STPG2: variants seen among roughly 807,000 people sequenced by gnomAD.
STPG2 encodes the protein sperm tail PG-rich repeat containing 2, also known as sperm-tail PG-rich repeat-containing protein 2.
A neutral mutation model predicts 54.2 loss-of-function variants in STPG2; 56 were observed. The observed-to-expected ratio is 1.03, with a 90% CI of 0.83 to 1.29. The LOEUF is 1.29. Ranked by LOEUF, STPG2 falls within the 50% of genes most tolerant of loss-of-function variation. The pLI, the probability that STPG2 is intolerant of heterozygous loss-of-function variation, is 0.00. For synonymous variants in STPG2, 200 were observed against 181.8 expected, an observed-to-expected ratio of 1.10 and a Z score of -0.81; for missense variants, 596 against 544.9, an observed-to-expected ratio of 1.09 and a Z score of -0.93.
chr4:97,999,210 T>G (rs185300669), intron 5 of STPG2, among the ~76,000 whole-genome samples: 18 of 152,312 alleles, frequency 1.2e-4, no homozygotes, highest in African/African-American at 4.1e-4. Flanking sequence ...CACATTTCAA[T>G]TCACAGATTT....
chr4:97,844,711 T>C (rs1728897407), intron 8 of STPG2, among the ~76,000 whole-genome samples: 2 of 152,070 alleles, frequency 1.3e-5, no homozygotes, highest in South Asian at 4.1e-4. Flanking sequence ...ATAGTGGTTT[T>C]TTTTATTACA....
chr4:97,763,818 T>C (rs1725958837), intron 9 of STPG2, among the ~76,000 whole-genome samples: 1 of 152,224 alleles, frequency 6.6e-6, no homozygotes, highest in Admixed American at 6.5e-5. Context: ...GATATTTCTA[T>C]TGATTTTTCT....
chr4:97,775,222 A>G (rs549918305), intron 9 of STPG2, among the ~76,000 whole-genome samples: 1 of 152,294 alleles, frequency 6.6e-6, no homozygotes, highest in Admixed American at 6.5e-5. Flanking sequence ...CTTGGAGAGT[A>G]GCATTGCAAT....
At chr4:98,039,303 T>A (rs555292405) in intron 5 of STPG2, among the ~76,000 whole-genome samples, 18 of 151,104 alleles carry the variant, frequency 1.2e-4, no homozygotes, top group African/African-American at 4.4e-4. Context: ...ATCCTACTTG[T>A]ATGAATGTGA....
intron 4 of STPG2, among the ~76,000 whole-genome samples, chr4:97,550,302 A>C (rs1731935376): frequency 6.6e-6 from 1 of 152,020 alleles, no homozygotes; most frequent in African/African-American, 2.4e-5. Flanking sequence ...GAAGAAAAAT[A>C]GTGTCTTAAT....
intron 9 of STPG2, among the ~76,000 whole-genome samples, chr4:97,765,794 T>C (rs1475682406): frequency 1.3e-5 from 2 of 152,120 alleles, no homozygotes; most frequent in African/African-American, 4.8e-5. Flanking sequence ...TTAGGAATAG[T>C]TGAAGGAACT....
At chr4:98,076,027 G>A (rs1011240934) in intron 5 of STPG2, among the ~76,000 whole-genome samples, 13 of 152,102 alleles carry the variant, frequency 8.5e-5, no homozygotes, top group Non-Finnish European at 1.5e-4. Context: ...GGCAGATCAC[G>A]AGGTCAGGAG....
chr4:97,866,200 C>A (rs1275150123), intron 8 of STPG2, among the ~76,000 whole-genome samples: 1 of 151,784 alleles, frequency 6.6e-6, no homozygotes. Context: ...AACAGGGTAA[C>A]TACAGTCAAC....
chr4:97,543,138 T>G (rs1204354697), intron 4 of STPG2, among the ~76,000 whole-genome samples: 1 of 150,664 alleles, frequency 6.6e-6, no homozygotes, highest in African/African-American at 2.4e-5. Flanking sequence ...AATATATATA[T>G]AAATAATAAT....
At chr4:97,834,131 C>T (rs1393878182) in intron 9 of STPG2, among the ~76,000 whole-genome samples, 5 of 151,974 alleles carry the variant, frequency 3.3e-5, no homozygotes, top group South Asian at 2.1e-4. Flanking sequence ...ATGACAGACT[C>T]GGTAAAGAAA....
intron 10 of STPG2, among the ~76,000 whole-genome samples, chr4:97,575,862 T>C (rs1319911475): frequency 6.6e-6 from 1 of 152,096 alleles, no homozygotes; most frequent in Non-Finnish European, 1.5e-5. Context: ...ATACCTCAAA[T>C]AGCCTAATGG....
intron 4 of STPG2, among the ~76,000 whole-genome samples, chr4:97,454,357 C>CA (rs1729455851): frequency 6.7e-6 from 1 of 149,304 alleles, no homozygotes; most frequent in Admixed American, 6.7e-5. Context: ...ACTAAAAATA[C>CA]AAAAAATTAG....
intron 8 of STPG2, among the ~76,000 whole-genome samples, chr4:97,871,485 A>G (rs898967750): frequency 1.3e-5 from 2 of 151,104 alleles, no homozygotes; most frequent in African/African-American, 2.4e-5. Flanking sequence ...TTATTGAATC[A>G]GAAGAAATGA....
At chr4:97,652,074 G>T (rs1722085842) in intron 10 of STPG2, among the ~76,000 whole-genome samples, 1 of 151,796 alleles carries the variant, frequency 6.6e-6, no homozygotes, top group African/African-American at 2.4e-5. Context: ...CAGATACTCT[G>T]ATAGTAATAC....
At chr4:97,968,391 C>T (rs751230413) in intron 7 of STPG2, among the ~76,000 whole-genome samples, 2 of 151,960 alleles carry the variant, frequency 1.3e-5, no homozygotes, top group Non-Finnish European at 2.9e-5. Context: ...CCTTCTGAAA[C>T]TTCCAATCAA....
chr4:97,642,133 A>G (rs149520385), intron 10 of STPG2, among the ~76,000 whole-genome samples: 1 of 151,598 alleles, frequency 6.6e-6, no homozygotes, highest in African/African-American at 2.4e-5. Flanking sequence ...TCCAAAGAAA[A>G]TACATTAGAC....
At chr4:98,050,106 C>T (rs1201195241) in intron 5 of STPG2, among the ~76,000 whole-genome samples, 1 of 152,012 alleles carries the variant, frequency 6.6e-6, no homozygotes, top group Non-Finnish European at 1.5e-5. Context: ...ATGTATGGAT[C>T]TTATTTGGAT....
At chr4:97,888,171 G>A (rs1730647910) in intron 8 of STPG2, among the ~76,000 whole-genome samples, 1 of 152,188 alleles carries the variant, frequency 6.6e-6, no homozygotes, top group South Asian at 2.1e-4. Flanking sequence ...GGGAAAAAGT[G>A]GGGTTGGAGA....
chr4:97,999,524 A>C lies in STPG2; in HGVS notation c.613-18206T>G, dbSNP rs145722480. On this transcript the variant is annotated intron_variant, in intron 5 of 10. Transcript: ENST00000295268. ...TGGAGACCAGCCTAGCCAACATGGC[A>C]AAACCCCATCTCTACTAAAAATACA... Among the ~76,000 whole-genome samples the C allele has an allele frequency of 3.1e-3, 479 of 152,156 alleles. 3 individuals are homozygous for C. The highest frequency in any genetic ancestry group is 8.3e-3 in the South Asian group (40 of 4,816).
Sources: allele counts gnomAD v4.1 joint callset (sites outside exome capture counted in the v4.1 genomes callset), GRCh38; gene constraint gnomAD v4.1.1; transcripts MANE v1.5; gene names NCBI Gene and HGNC (gene_info 2026-07-23, HGNC 2026-07-21).